Variants in PSIP1 observed in about 807,000 individuals in gnomAD.
The protein encoded by PSIP1 is PC4 and SFRS1-interacting protein.
In PSIP1, 19 loss-of-function variants were observed where a neutral mutation model predicts 74.7. The ratio of observed to expected loss-of-function variants is 0.25; its 90% CI spans 0.18 to 0.37. The LOEUF (loss-of-function observed/expected upper bound fraction) is 0.37, where lower values mean the gene tolerates loss of function less well. Ranked by LOEUF, PSIP1 falls within the 10% of genes least tolerant of loss-of-function variation. PSIP1 has a pLI of 1.00. For missense variants in PSIP1, 601 were observed against 614.3 expected (o/e 0.98, Z 0.23); for synonymous variants, 222 against 195.3 (o/e 1.14, Z -1.14).
intron 6 of PSIP1, among the ~76,000 whole-genome samples, chr9:15,480,574 T>C (rs1263528702): frequency 6.6e-6 from 1 of 152,234 alleles, no homozygotes; most frequent in Non-Finnish European, 1.5e-5. Flanking sequence ...AATAAACTGA[T>C]ACTTTATGAA....
In PSIP1 at chr9:15,472,360, C is replaced by A. The variant is rs183352771; in HGVS notation, c.977+272G>T. Reference sequence around the variant, plus strand: ...CAAATGGTTGAGGATGAGTACACTTCTTGCAAAGCCAGTATCAATTAAATC... The same window carrying A: ...CAAATGGTTGAGGATGAGTACACTTATTGCAAAGCCAGTATCAATTAAATC... On this transcript the variant is annotated intron_variant, in intron 10 of 15. Coordinates refer to ENST00000380733, the MANE Select transcript of PSIP1 (RefSeq NM_033222.5). 183 of 1,231,748 alleles carry A rather than the reference C, an allele frequency of 1.5e-4. 3 individuals are homozygous for A. The East Asian group carries it at 3.2e-3, about 22-fold the overall frequency. The allele number at this position is 1,231,748 out of a possible 1,614,324, so 76.3% of individuals were successfully genotyped here. A position where few individuals can be genotyped will look rare whatever the true frequency, so the allele number is the denominator to read the frequency against.
At chr9:15,484,956 C>G (rs2132112637) in intron 6 of PSIP1, among the ~76,000 whole-genome samples, 1 of 150,242 alleles carries the variant, frequency 6.7e-6, no homozygotes, top group East Asian at 2.0e-4. Context: ...TGGTGGCACA[C>G]TTCTACAGTC....
intron 6 of PSIP1, 44 bp downstream of exon 6, chr9:15,485,962 A>C (rs368853976): frequency 6.7e-6 from 10 of 1,502,696 alleles, no homozygotes; most frequent in Non-Finnish European, 9.1e-6. Context: ...ATTAAAATAA[A>C]AATTCTTTTC....
chr9:15,471,866 CAACA>C (rs1311563726), intron 10 of PSIP1: 1 of 980,306 alleles, frequency 1.0e-6, no homozygotes, highest in East Asian at 1.1e-4. Flanking sequence ...ACTAAAACAA[CAACA>C]AAAAAACAAA....
At chr9:15,472,232 G>GAA in intron 10 of PSIP1, 1 of 990,428 alleles carries the variant, frequency 1.0e-6, no homozygotes, top group Non-Finnish European at 1.2e-6. Context: ...CTGGTCTTTA[G>GAA]GGTGAGGCCT....
intron 2 of PSIP1, among the ~76,000 whole-genome samples, chr9:15,507,029 T>G (rs1363661639): frequency 6.6e-6 from 1 of 152,048 alleles, no homozygotes; most frequent in African/African-American, 2.4e-5. Flanking sequence ...AGGTAAGGAG[T>G]CTGAACCTAT....
At chr9:15,471,837 A>G (rs895939474) in intron 10 of PSIP1, 28 of 962,542 alleles carry the variant, frequency 2.9e-5, no homozygotes, top group Non-Finnish European at 3.5e-5. Flanking sequence ...GACCTAGAGC[A>G]TGTTTTAAAA....
intron 11 of PSIP1, 66 bp from the exon 12 acceptor site, chr9:15,469,402 C>T (rs554764757): frequency 1.0e-6 from 1 of 981,188 alleles, no homozygotes; most frequent in Non-Finnish European, 1.5e-6. Flanking sequence ...TATATACAGG[C>T]TAAGTATAAT....
chr9:15,467,004 A>ACAGC (rs1320526385), intron 14 of PSIP1, 145 bp from the exon 15 acceptor site: 7 of 643,658 alleles, frequency 1.1e-5, no homozygotes, highest in African/African-American at 1.9e-5. Context: ...ACATTGTAAT[A>ACAGC]CAGCCCTCTC....
Position 15,468,727 on chromosome 9 carries a change from A to G in PSIP1, c.1323T>C (p.Asn441=), listed in dbSNP as rs754151295. 4 of 1,614,072 alleles carry G rather than the reference A, an allele frequency of 2.5e-6. No individual in the cohort carries two copies. Among genetic ancestry groups the G allele is most frequent in the Admixed American group, 3.3e-5 (2 of 60,018 alleles). ...GCTGTCTTTGTTCAGCAAGAGATTT[A>G]TTCAGCACTTGGGTGATCACGGAAT... ...EGDSVITQVL[N]KSLAEQRQHE... Residue 441 remains asparagine (N), a synonymous_variant, in exon 14 of 16, where the codon AAT becomes AAC. Transcript: ENST00000380733.
At chr9:15,481,490 G>C (rs2036333403) in intron 6 of PSIP1, among the ~76,000 whole-genome samples, 1 of 152,162 alleles carries the variant, frequency 6.6e-6, no homozygotes, top group Non-Finnish European at 1.5e-5. Flanking sequence ...GAGGTCAGGA[G>C]TTCGAGACCA....
intron 6 of PSIP1, 66 bp from the exon 7 acceptor site, chr9:15,479,753 CAAAA>C: frequency 2.5e-6 from 3 of 1,208,268 alleles, no homozygotes; most frequent in African/African-American, 1.5e-5. Context: ...AATTCGATGG[CAAAA>C]ATATGCCAGT....
At chr9:15,484,309 T>C (rs1039749832) in intron 6 of PSIP1, among the ~76,000 whole-genome samples, 1 of 148,482 alleles carries the variant, frequency 6.7e-6, no homozygotes, top group Admixed American at 6.7e-5. Flanking sequence ...AAAAAATATA[T>C]ATATATAGGC....
chr9:15,502,011 G>C (rs2037371746), intron 3 of PSIP1, among the ~76,000 whole-genome samples: 1 of 152,044 alleles, frequency 6.6e-6, no homozygotes, highest in Non-Finnish European at 1.5e-5. Context: ...TGTCAGATCA[G>C]TGGCAGCATT....
intron 4 of PSIP1, among the ~76,000 whole-genome samples, chr9:15,489,015 C>CG (rs1322031068): frequency 2.6e-5 from 4 of 151,808 alleles, no homozygotes; most frequent in Non-Finnish European, 5.9e-5. Context: ...AGCGAGACTC[C>CG]TCTCAAAAAA....
intron 9 of PSIP1, among the ~76,000 whole-genome samples, chr9:15,473,785 CA>C (rs1346810869): frequency 1.3e-5 from 2 of 151,786 alleles, no homozygotes; most frequent in African/African-American, 4.8e-5. Flanking sequence ...CCTGTACTTC[CA>C]GCTACTCAGG....
At chr9:15,467,952 G>C (rs2821533) in intron 14 of PSIP1, among the ~76,000 whole-genome samples, 16,727 of 151,744 alleles carry the variant, frequency 0.11, 1,671 homozygotes, top group African/African-American at 0.27. Flanking sequence ...GAAACCCCGT[G>C]CCTACTAAAA....
At chr9:15,496,205 G>T (rs1286740266) in intron 3 of PSIP1, among the ~76,000 whole-genome samples, 1 of 152,134 alleles carries the variant, frequency 6.6e-6, no homozygotes, top group Non-Finnish European at 1.5e-5. Flanking sequence ...AATATGGCAG[G>T]GTAGGTGAAA....
intron 15 of PSIP1, chr9:15,465,851 T>C: frequency 2.9e-6 from 1 of 342,522 alleles, no homozygotes; most frequent in Non-Finnish European, 5.2e-6. Flanking sequence ...CTTTCCATCA[T>C]TTCTAGCATA....
Sources: gnomAD v4.1 joint callset for allele counts (sites outside exome capture counted in the v4.1 genomes callset) on GRCh38, gnomAD v4.1.1 for gene constraint, MANE v1.5 for transcripts, NCBI Gene and HGNC (gene_info 2026-07-23, HGNC 2026-07-21) for gene names.